Variants in RIMKLA observed in about 807,000 individuals in gnomAD.
RIMKLA encodes the protein ribosomal modification protein rimK like family member A.
In RIMKLA, 14 loss-of-function variants were observed where a neutral mutation model predicts 32.7. The ratio of observed to expected loss-of-function variants is 0.43; its 90% confidence interval spans 0.28 to 0.67. The LOEUF (loss-of-function observed/expected upper bound fraction) is 0.67. RIMKLA is among the 30% of genes least tolerant of loss of function. RIMKLA has a pLI of 0.18. For missense variants in RIMKLA, 410 were observed against 519.0 expected (o/e 0.79, Z 2.04); for synonymous variants, 176 against 204.1 (o/e 0.86, Z 1.18).
At position 42,416,116 on chromosome 1, in the gene RIMKLA, C is replaced by T. The variant is rs993709631; in HGVS notation, c.*1142C>T. The stretch of plus-strand genomic sequence containing the variant: ...GGGGGGGGCTAATGTAGACATGACA[C>T]CAAGTGCTTTTCATTTTAATTCTCT... On this transcript the variant is annotated 3_prime_UTR_variant, in exon 5 of 5. Transcript: ENST00000431473. 1 of 143,774 alleles carries T rather than the reference C, an allele frequency of 7.0e-6. No individual in the cohort carries two copies. Among genetic ancestry groups the T allele is most frequent in the Non-Finnish European group, 1.5e-5 (1 of 66,302 alleles). 8.9% of individuals were successfully genotyped at this position (143,774 alleles called of 1,614,324 possible).
At chr1:42,408,232 T>C (rs1420197621) in intron 3 of RIMKLA, among the ~76,000 whole-genome samples, 1 of 152,144 alleles carries the variant, frequency 6.6e-6, no homozygotes, top group Non-Finnish European at 1.5e-5. Context: ...TCCCTGACAT[T>C]GACACCCACT....
chr1:42,383,244 G>T (rs1357819660), intron 1 of RIMKLA, among the ~76,000 whole-genome samples: 1 of 152,150 alleles, frequency 6.6e-6, no homozygotes, highest in Non-Finnish European at 1.5e-5. Context: ...TGGAGAAATT[G>T]AAGACAGGTA....
At chr1:42,395,757 G>T (rs890068260) in intron 1 of RIMKLA, among the ~76,000 whole-genome samples, 7 of 152,160 alleles carry the variant, frequency 4.6e-5, no homozygotes, top group African/African-American at 7.2e-5. Context: ...GTGGTTAAAG[G>T]TCTCAAAATT....
Position 42,414,956 on chromosome 1 carries a change from T to G in RIMKLA, c.1158T>G (p.Ser386=). 1 of 1,609,880 alleles carries G rather than the reference T, an allele frequency of 6.2e-7. No homozygotes were observed. The highest frequency in any genetic ancestry group is 8.5e-7 in the Non-Finnish European group (1 of 1,177,994). Residue 386 remains serine, a synonymous_variant, in exon 5 of 5, where the codon TCT becomes TCG. Transcript: ENST00000431473. ...PGYNINNRIA[S]ELKLK ...ACAACATTAACAACAGGATTGCTTC[T>G]GAGTTAAAACTTAAGTGAATTCCTG...
At chr1:42,409,835 A>G (rs1464559752) in intron 3 of RIMKLA, 149 bp from the exon 4 acceptor site, 2 of 684,358 alleles carry the variant, frequency 2.9e-6, no homozygotes, top group African/African-American at 3.6e-5. Flanking sequence ...TCATTTGATA[A>G]GAAACAAAAG....
intron 1 of RIMKLA, among the ~76,000 whole-genome samples, chr1:42,392,960 C>G (rs1012346289): frequency 2.0e-5 from 3 of 152,170 alleles, no homozygotes; most frequent in Admixed American, 2.0e-4. Flanking sequence ...CCATTGCACT[C>G]CAGCCTGGAT....
In RIMKLA at chr1:42,416,542, C is replaced by A. The variant is rs528550108; in HGVS notation, c.*1568C>A. 1 of 151,696 alleles carries A rather than the reference C, an allele frequency of 6.6e-6. No homozygotes were observed. Among genetic ancestry groups the A allele is most frequent in the African/African-American group, 2.4e-5 (1 of 41,314 alleles). The allele number at this position is 151,696 out of a possible 1,614,324, so 9.4% of individuals were successfully genotyped here. A position where few individuals can be genotyped will look rare whatever the true frequency, so the allele number is the denominator to read the frequency against. On this transcript the variant is annotated 3_prime_UTR_variant, in exon 5 of 5. Coordinates refer to ENST00000431473, the MANE Select transcript of RIMKLA (RefSeq NM_173642.4). The stretch of plus-strand genomic sequence containing the variant: ...AAAAAATAGATCTACCCTTAAAGGA[C>A]AAAGATTTACCAACACTGAAGACCC...
chr1:42,395,764 A>C (rs186573061), intron 1 of RIMKLA, among the ~76,000 whole-genome samples: 22 of 152,296 alleles, frequency 1.4e-4, no homozygotes, highest in Admixed American at 1.3e-3. Context: ...AAGGTCTCAA[A>C]ATTTACAGAC....
intron 1 of RIMKLA, among the ~76,000 whole-genome samples, chr1:42,389,845 G>A (rs1642985467): frequency 6.6e-6 from 1 of 151,950 alleles, no homozygotes; most frequent in African/African-American, 2.4e-5. Context: ...GATGAAGTCG[G>A]ATGAGGAATT....
intron 1 of RIMKLA, among the ~76,000 whole-genome samples, chr1:42,385,907 C>T (rs867082878): frequency 4.9e-4 from 36 of 73,110 alleles, no homozygotes; most frequent in Admixed American, 1.0e-3. Flanking sequence ...TCCTTCTTTC[C>T]TTCTTTCCTT....
chr1:42,385,020 A>G (rs1198032161), intron 1 of RIMKLA, among the ~76,000 whole-genome samples: 2 of 152,266 alleles, frequency 1.3e-5, no homozygotes, highest in East Asian at 1.9e-4. Context: ...TCTGCTGCCA[A>G]ATAGCTTTGT....
At chr1:42,381,580 G>A (rs1642889452) in intron 1 of RIMKLA, among the ~76,000 whole-genome samples, 2 of 152,324 alleles carry the variant, frequency 1.3e-5, no homozygotes, top group Non-Finnish European at 1.5e-5. Flanking sequence ...TTCCAAACTA[G>A]AAAGCCACAT....
rs541142638 is a variant in RIMKLA, at chr1:42,400,849, G to T, written c.394+1215G>T. On this transcript the variant is annotated intron_variant, in intron 2 of 4. Transcript: ENST00000431473. ...CTTCATTATGTGAGGTGAAGTCCGAGGAATGGATGAGAGTACTCAGGGAGA... is the reference window on the plus strand; with the variant it reads ...CTTCATTATGTGAGGTGAAGTCCGATGAATGGATGAGAGTACTCAGGGAGA... Among the ~76,000 whole-genome samples the T allele has an allele frequency of 3.9e-5, 6 of 152,274 alleles. No homozygotes were observed. The East Asian group carries it at 1.2e-3, about 29-fold the overall frequency.
intron 1 of RIMKLA, among the ~76,000 whole-genome samples, chr1:42,386,780 G>C (rs1206775369): frequency 3.3e-5 from 5 of 151,720 alleles, no homozygotes; most frequent in Non-Finnish European, 5.9e-5. Flanking sequence ...AGCTACTCGG[G>C]AGGCTGAGGT....
chr1:42,386,432 GC>G (rs1400270292), intron 1 of RIMKLA, among the ~76,000 whole-genome samples: 1 of 151,968 alleles, frequency 6.6e-6, no homozygotes, highest in Non-Finnish European at 1.5e-5. Context: ...CCTCACTCCA[GC>G]CGCTTCCCTG....
At position 42,423,766 on chromosome 1, in the gene RIMKLA, G is replaced by A. The variant is rs576817057; in HGVS notation, c.*8792G>A. Among the ~76,000 whole-genome samples the A allele has an allele frequency of 4.6e-5, 7 of 152,250 alleles. 1 individual carries two copies. The highest frequency in any genetic ancestry group is 1.7e-4 in the African/African-American group (7 of 41,546). ...CTGCTGGCACCCACTTGTCTATCACGCTGGTATCCGCTGCTTTTCCTGCAG... is the reference window on the plus strand; with the variant it reads ...CTGCTGGCACCCACTTGTCTATCACACTGGTATCCGCTGCTTTTCCTGCAG... On this transcript the variant is annotated 3_prime_UTR_variant, in exon 5 of 5. Coordinates refer to ENST00000431473, the MANE Select transcript of RIMKLA (RefSeq NM_173642.4).
At chr1:42,396,247 A>AG (rs1471440687) in intron 1 of RIMKLA, among the ~76,000 whole-genome samples, 1 of 150,834 alleles carries the variant, frequency 6.6e-6, no homozygotes, top group African/African-American at 2.4e-5. Flanking sequence ...AAAAAAAAAA[A>AG]AAAAAAAAAA....
chr1:42,407,436 C>G (rs1430249027), intron 3 of RIMKLA, among the ~76,000 whole-genome samples: 1 of 152,116 alleles, frequency 6.6e-6, no homozygotes, highest in Non-Finnish European at 1.5e-5. Context: ...ATGTTGCCTT[C>G]TAAAAGCTTC....
At chr1:42,413,299 C>G (rs542756926) in intron 4 of RIMKLA, among the ~76,000 whole-genome samples, 1 of 151,778 alleles carries the variant, frequency 6.6e-6, no homozygotes, top group African/African-American at 2.4e-5. Flanking sequence ...GTCAGGAGTT[C>G]GAAATTAGCC....
Sources: gnomAD v4.1 joint callset for allele counts (sites outside exome capture counted in the v4.1 genomes callset) on GRCh38, gnomAD v4.1.1 for gene constraint, MANE v1.5 for transcripts, NCBI Gene and HGNC (gene_info 2026-07-23, HGNC 2026-07-21) for gene names.